The following WDFY1 variants were observed in gnomAD, a reference collection of about 807,000 sequenced individuals.
The protein encoded by WDFY1 is WD repeat and FYVE domain-containing protein 1.
In WDFY1, 32 loss-of-function variants were observed where a neutral mutation model predicts 56.4. That is an observed-to-expected ratio of 0.57 (90% CI 0.43 to 0.76). The LOEUF (loss-of-function observed/expected upper bound fraction) is 0.76. Among genes scored for constraint, WDFY1 ranks in the 30% least tolerant of loss-of-function variants. The pLI is 0.00. For synonymous variants in WDFY1, 192 were observed against 197.3 expected (o/e 0.97, Z 0.23); for missense variants, 480 against 545.7 (o/e 0.88, Z 1.20).
At chr2:223,906,368 C>T (rs1165145355) in intron 3 of WDFY1, among the ~76,000 whole-genome samples, 4 of 152,070 alleles carry the variant, frequency 2.6e-5, no homozygotes, top group Non-Finnish European at 4.4e-5. Flanking sequence ...CTGCAAAGAC[C>T]CCTCACTAAC....
Position 223,940,217 on chromosome 2 carries a change from G to T in WDFY1, c.137+4931C>A, listed in dbSNP as rs186728120. On this transcript the variant is annotated intron_variant, in intron 1 of 11. Transcript: ENST00000233055. ...GCCTGTAATCCCAGCTACTCGGGAG[G>T]CTGAAGCAGGAGAATCGCTTGAACC... 2.3e-3 allele frequency among the ~76,000 whole-genome samples: 345 copies of T among 152,332 alleles called. 3 individuals carry two copies. In the Middle Eastern group the frequency reaches 0.027, roughly 12 times the overall value.
rs1356565236 is a variant in WDFY1, at chr2:223,944,786, G to GGC, written c.137+360_137+361dup. The stretch of plus-strand genomic sequence containing the variant: ...AGGAGGGGCGAGGTGGGCTGGGAGG[G>GGC]GCGCGGTAGGGCGCACTGGAACAGG... On this transcript the variant is annotated intron_variant, in intron 1 of 11. Transcript: ENST00000233055. 2.6e-5 allele frequency among the ~76,000 whole-genome samples: 4 copies of GGC among 151,196 alleles called. No homozygotes were observed. In the East Asian group the frequency reaches 7.9e-4, roughly 30 times the overall value.
rs1454405076 is a variant in WDFY1 at position 223,918,141 on chromosome 2, C to T, written c.138-131G>A. On this transcript the variant is annotated intron_variant, in intron 1 of 11. Coordinates refer to ENST00000233055, the MANE Select transcript of WDFY1 (RefSeq NM_020830.5). Reference sequence around the variant, plus strand: ...GACCTTATAAAACTAACTGGACAAACTGGACAAATATATACATACATGTAC... The same window carrying T: ...GACCTTATAAAACTAACTGGACAAATTGGACAAATATATACATACATGTAC... 11 of 793,228 alleles carry T rather than the reference C, an allele frequency of 1.4e-5. No individual in the cohort carries two copies. The Admixed American group carries it at 2.8e-4, about 20-fold the overall frequency. The allele number at this position is 793,228 out of a possible 1,614,324, so 49.1% of individuals were successfully genotyped here.
chr2:223,885,543 G>T (rs940628852), intron 8 of WDFY1, among the ~76,000 whole-genome samples: 2 of 152,046 alleles, frequency 1.3e-5, no homozygotes, highest in African/African-American at 4.8e-5. Flanking sequence ...ATGGTTACAG[G>T]GTGTTCAATT....
intron 1 of WDFY1, among the ~76,000 whole-genome samples, chr2:223,921,790 CTGTT>C (rs1337368573): frequency 3.9e-5 from 6 of 152,118 alleles, no homozygotes; most frequent in Admixed American, 1.3e-4. Context: ...AATGGTGTCG[CTGTT>C]TGTTTTTTAA....
At chr2:223,890,507 GA>G (rs1693250704) in intron 8 of WDFY1, among the ~76,000 whole-genome samples, 1 of 152,132 alleles carries the variant, frequency 6.6e-6, no homozygotes, top group East Asian at 1.9e-4. Flanking sequence ...TAATATAAGA[GA>G]TACCCCTAAC....
chr2:223,934,685 T>C (rs1426081238), intron 1 of WDFY1, among the ~76,000 whole-genome samples: 1 of 152,012 alleles, frequency 6.6e-6, no homozygotes, highest in African/African-American at 2.4e-5. Flanking sequence ...CATGCCTGGC[T>C]AATCTTTGTA....
In WDFY1 at chr2:223,935,708, A is replaced by C. The variant is rs529850451; in HGVS notation, c.137+9440T>G. Among the ~76,000 whole-genome samples, 3 of 152,352 alleles carry C rather than the reference A, an allele frequency of 2.0e-5. No individual in the cohort carries two copies. In the East Asian group the frequency reaches 5.8e-4, roughly 29 times the overall value. ...TGGGAAGATAAGATGAATAAACACA[A>C]AGCAACAGGAACTAATACCTGATTG... On this transcript the variant is annotated intron_variant, in intron 1 of 11. Transcript: ENST00000233055.
At chr2:223,899,360 G>A (rs2106081296) in intron 5 of WDFY1, 2 of 280,624 alleles carry the variant, frequency 7.1e-6, no homozygotes, top group South Asian at 5.6e-5. Flanking sequence ...CAAGATCCCA[G>A]GAACTGGCAA....
chr2:223,918,028 GA>G lies in WDFY1; in HGVS notation c.138-19del. 1.2e-6 allele frequency: 2 copies of G among 1,607,280 alleles called. No individual in the cohort carries two copies. Among genetic ancestry groups the G allele is most frequent in the Non-Finnish European group, 1.7e-6 (2 of 1,178,154 alleles). The stretch of plus-strand genomic sequence containing the variant: ...GGATGGTTCTGTGGAGAAAAGAAAA[GA>G]AAAAATAGAGTAGGTTTTAGTAATT... On this transcript the variant is annotated intron_variant, in intron 1 of 11. Coordinates refer to ENST00000233055, the MANE Select transcript of WDFY1 (RefSeq NM_020830.5).
intron 1 of WDFY1, 108 bp from the exon 2 acceptor site, chr2:223,918,118 C>T: frequency 9.0e-7 from 1 of 1,110,776 alleles, no homozygotes; most frequent in Admixed American, 2.4e-5. Context: ...TCCTAACTGA[C>T]CTTATAAAAC....
Position 223,886,218 on chromosome 2 carries a change from A to G in WDFY1, c.832-1469T>C, listed in dbSNP as rs981623756. Among the ~76,000 whole-genome samples the G allele has an allele frequency of 2.0e-5, 3 of 151,890 alleles. No homozygotes were observed. The South Asian group carries it at 6.2e-4, about 32-fold the overall frequency. On this transcript the variant is annotated intron_variant, in intron 8 of 11. Transcript: ENST00000233055. ...GCCGGGTGTGGTGGCACACACCTGTAATCCCAGCTACTTGGGAGGCTGAGG... is the reference window on the plus strand; with the variant it reads ...GCCGGGTGTGGTGGCACACACCTGTGATCCCAGCTACTTGGGAGGCTGAGG...
intron 6 of WDFY1, among the ~76,000 whole-genome samples, chr2:223,895,946 C>G (rs1693360134): frequency 1.3e-5 from 2 of 151,704 alleles, no homozygotes; most frequent in African/African-American, 4.8e-5. Context: ...TCACTTGAAG[C>G]CAGGAGTTCA....
intron 3 of WDFY1, among the ~76,000 whole-genome samples, chr2:223,908,902 C>G (rs1467647068): frequency 1.3e-5 from 2 of 152,180 alleles, no homozygotes; most frequent in Non-Finnish European, 2.9e-5. Flanking sequence ...TTCACACACC[C>G]AGCCCTGCTT....
chr2:223,897,086 A>T (rs1693393657), intron 6 of WDFY1, among the ~76,000 whole-genome samples: 1 of 152,102 alleles, frequency 6.6e-6, no homozygotes, highest in Non-Finnish European at 1.5e-5. Flanking sequence ...TTGATTTGAT[A>T]TACTCCATTT....
chr2:223,882,557 C>CA lies in WDFY1; in HGVS notation c.934-486dup, dbSNP rs113674471. On this transcript the variant is annotated intron_variant, in intron 9 of 11. Transcript: ENST00000233055. ...AATTCTGACACTAGTCAAGGATTTC[C>CA]AAAAAACTTTGCTGTACTGGTCAAA... Among the ~76,000 whole-genome samples the CA allele has an allele frequency of 6.6e-3, 1,004 of 152,202 alleles. 5 individuals carry two copies. Among genetic ancestry groups the CA allele is most frequent in the African/African-American group, 0.022 (925 of 41,504 alleles).
In WDFY1 at chr2:223,901,216, C is replaced by T. The variant is rs771743340; in HGVS notation, c.452G>A (p.Arg151Lys). The T allele has an allele frequency of 5.0e-6, 8 of 1,613,954 alleles. No homozygotes were observed. In the African/African-American group the frequency reaches 9.3e-5, roughly 19 times the overall value. ...MCTRSGNMLG[R>K]HFFTSWASCL... ...CGAAGCCCAGGACGTGAAGAAGTGC[C>T]TCCCGAGCATGTTCCCGCTCCGCGT... The change falls in exon 5 of 12, where the codon AGG becomes AAG. Residue 151 changes from arginine to lysine, a missense_variant. Transcript: ENST00000233055.
chr2:223,913,103 G>GGC (rs1693731840), intron 2 of WDFY1, among the ~76,000 whole-genome samples: 1 of 151,788 alleles, frequency 6.6e-6, no homozygotes, highest in Admixed American at 6.6e-5. Context: ...AAGACGGGTG[G>GGC]GTAGGGTGGC....
intron 1 of WDFY1, among the ~76,000 whole-genome samples, chr2:223,937,824 G>A (rs1689225103): frequency 6.6e-6 from 1 of 152,164 alleles, no homozygotes; most frequent in African/African-American, 2.4e-5. Flanking sequence ...GCATGACAAT[G>A]AAAATACAGC....
Sources: gnomAD v4.1 joint callset for allele counts (sites outside exome capture counted in the v4.1 genomes callset) on GRCh38, gnomAD v4.1.1 for gene constraint, MANE v1.5 for transcripts, NCBI Gene and HGNC (gene_info 2026-07-23, HGNC 2026-07-21) for gene names.